Variants in GID4 observed in about 807,000 individuals in gnomAD.
GID4 encodes the protein GID complex subunit 4 homolog, also known as glucose-induced degradation protein 4 homolog.
A neutral mutation model predicts 32.4 loss-of-function variants in GID4; 7 were observed. The ratio of observed to expected loss-of-function variants is 0.22; its 90% CI spans 0.12 to 0.41. GID4 has a LOEUF of 0.41. GID4 is among the 10% of genes least tolerant of loss of function. The pLI is 1.00. For synonymous variants in GID4, 166 were observed against 170.0 expected, an observed-to-expected ratio of 0.98 and a Z score of 0.18; for missense variants, 309 against 400.0, an observed-to-expected ratio of 0.77 and a Z score of 1.94.
chr17:18,047,424 A>G (rs1365982435), intron 2 of GID4, among the ~76,000 whole-genome samples: 1 of 152,260 alleles, frequency 6.6e-6, no homozygotes. Flanking sequence ...GGTGATAACA[A>G]GCTGCACAGA....
chr17:18,062,511 G>T (rs2142154255), intron 5 of GID4, among the ~76,000 whole-genome samples: 1 of 152,284 alleles, frequency 6.6e-6, no homozygotes, highest in African/African-American at 2.4e-5. Flanking sequence ...CCTTTTGAGG[G>T]ATTCTCCTGC....
rs985169451 is a variant in GID4 at position 18,061,736 on chromosome 17, T to C, written c.709-109T>C. On this transcript the variant is annotated intron_variant, in intron 4 of 5. Coordinates refer to ENST00000268719, the MANE Select transcript of GID4 (RefSeq NM_024052.5). This position sits in a 1 kb window ranked among gnomAD's most constrained non-coding sequence, Gnocchi z 4.4. ...AGCAAGTCTAGGTTAGACTATGAGA[T>C]CCTATATTTTTCTCGAGTGGTCCTT... is the stretch of plus-strand genomic sequence containing the variant. 2 of 1,022,744 alleles carry C rather than the reference T, an allele frequency of 2.0e-6. No homozygotes were observed. Among genetic ancestry groups the C allele is most frequent in the Non-Finnish European group, 3.0e-6 (2 of 669,014 alleles). The allele number at this position is 1,022,744 out of a possible 1,614,324, so 63.4% of individuals were successfully genotyped here.
In GID4 at chr17:18,058,956, T is replaced by C; in HGVS notation, c.695T>C (p.Phe232Ser). The change falls in exon 4 of 6, where the codon TTC (phenylalanine) becomes TCC (serine). Residue 232 changes from phenylalanine to serine, a missense_variant. This residue lies in a region of GID4 where 116 missense variants were observed against 214.2 expected (regional missense o/e 0.54). Transcript: ENST00000268719. ...GAGCTGAAGAATGGAGACTACGTCTTCATGAGGTGGAAGGTAAGTTCCCAC... is the reference window on the plus strand; with the variant it reads ...GAGCTGAAGAATGGAGACTACGTCTCCATGAGGTGGAAGGTAAGTTCCCAC... Reference protein sequence around the residue: ...YEELKNGDYVFMRWKEQFLVP... With the variant: ...YEELKNGDYVSMRWKEQFLVP... 1 of 1,603,774 alleles carries C rather than the reference T, an allele frequency of 6.2e-7. No individual in the cohort carries two copies. Among genetic ancestry groups the C allele is most frequent in the Non-Finnish European group, 8.5e-7 (1 of 1,170,650 alleles).
chr17:18,054,828 G>A (rs1481889067), intron 3 of GID4, among the ~76,000 whole-genome samples: 1 of 152,094 alleles, frequency 6.6e-6, no homozygotes, highest in African/African-American at 2.4e-5. Flanking sequence ...AAGACAGTTA[G>A]TGTCCTGGGA....
intron 3 of GID4, among the ~76,000 whole-genome samples, chr17:18,054,730 T>C (rs903771068): frequency 2.6e-5 from 4 of 152,166 alleles, no homozygotes; most frequent in African/African-American, 9.7e-5. Flanking sequence ...AGTATAGTCT[T>C]GTCTTAAGTA....
chr17:18,045,911 GAAA>G (rs957080536), intron 2 of GID4, among the ~76,000 whole-genome samples: 19 of 149,524 alleles, frequency 1.3e-4, no homozygotes, highest in African/African-American at 4.7e-4. Flanking sequence ...AAAAAAGAAA[GAAA>G]AAAAAGGGGA....
chr17:18,047,250 G>GTT lies in GID4; in HGVS notation c.498+2046_498+2047dup, dbSNP rs1195293913. 5.3e-5 allele frequency among the ~76,000 whole-genome samples: 8 copies of GTT among 152,316 alleles called. No homozygotes were observed. In the East Asian group the frequency reaches 1.2e-3, roughly 22 times the overall value. On this transcript the variant is annotated intron_variant, in intron 2 of 5. Transcript: ENST00000268719. Reference sequence around the variant, plus strand: ...CAAAATACAGGATTCCAGCCTTTGGGTTTGTGGTAGGAGAAAAGATACTAA... The same window carrying GTT: ...CAAAATACAGGATTCCAGCCTTTGGGTTTTTGTGGTAGGAGAAAAGATACTAA...
chr17:18,061,204 A>C lies in GID4; in HGVS notation c.709-641A>C, dbSNP rs1049500155. Among the ~76,000 whole-genome samples the C allele has an allele frequency of 6.6e-6, 1 of 152,054 alleles. No individual in the cohort carries two copies. Among genetic ancestry groups the C allele is most frequent in the African/African-American group, 2.4e-5 (1 of 41,392 alleles). On this transcript the variant is annotated intron_variant, in intron 4 of 5. Transcript: ENST00000268719. This position sits in a 1 kb window ranked among gnomAD's most constrained non-coding sequence, Gnocchi z 4.4. ...ACCACCTGAGGCCCTGGAGCTTCTG[A>C]CCTCATCTCTCTGGGAAAGTAGGTG...
At chr17:18,054,044 A>T in intron 2 of GID4, 83 bp from the exon 3 acceptor site, 2 of 745,890 alleles carry the variant, frequency 2.7e-6, no homozygotes, top group Non-Finnish European at 4.5e-6. Flanking sequence ...GAAAGAAGTT[A>T]AAGCAAAGTT....
Position 18,061,611 on chromosome 17 carries a change from G to C in GID4, c.709-234G>C, listed in dbSNP as rs994454357. On this transcript the variant is annotated intron_variant, in intron 4 of 5. Transcript: ENST00000268719. The surrounding 1 kb of genome is among the most constrained non-coding windows in gnomAD (Gnocchi z 4.4). ...TTCTCTGAATTGCTGATCCTAGTGA[G>C]CTCAAGACACAGTTTGTCACTTTAG... 6.6e-6 allele frequency among the ~76,000 whole-genome samples: 1 copy of C among 152,170 alleles called. No individual in the cohort carries two copies. Among genetic ancestry groups the C allele is most frequent in the African/African-American group, 2.4e-5 (1 of 41,442 alleles).
intron 3 of GID4, among the ~76,000 whole-genome samples, chr17:18,057,658 T>C (rs545576889): frequency 6.6e-6 from 1 of 152,324 alleles, no homozygotes; most frequent in South Asian, 2.1e-4. Context: ...AGTGTATACT[T>C]GTTTTTTGTC....
chr17:18,047,574 G>C (rs756515726), intron 2 of GID4, among the ~76,000 whole-genome samples: 1 of 152,232 alleles, frequency 6.6e-6, no homozygotes, highest in Admixed American at 6.5e-5. Flanking sequence ...TGAGGAGGGG[G>C]CACTGACAAT....
At chr17:18,055,680 G>C (rs2044960392) in intron 3 of GID4, among the ~76,000 whole-genome samples, 1 of 152,056 alleles carries the variant, frequency 6.6e-6, no homozygotes, top group African/African-American at 2.4e-5. Flanking sequence ...TGTAGAGACA[G>C]AGTCTCCCTA....
chr17:18,045,988 AG>A (rs1461820734), intron 2 of GID4, among the ~76,000 whole-genome samples: 1 of 152,166 alleles, frequency 6.6e-6, no homozygotes, highest in Non-Finnish European at 1.5e-5. Flanking sequence ...CTTTGAACCA[AG>A]TTTTTAAACC....
chr17:18,058,980 AC>A lies in GID4; in HGVS notation c.708+13del. The A allele has an allele frequency of 6.5e-7, 1 of 1,539,450 alleles. No homozygotes were observed. The highest frequency in any genetic ancestry group is 1.1e-5 in the South Asian group (1 of 89,538). ...TTCATGAGGTGGAAGGTAAGTTCCC[AC>A]CAGGTGGCCCTCCAGACTCCCAGCA... On this transcript the variant is annotated intron_variant, in intron 4 of 5. Transcript: ENST00000268719.
At chr17:18,053,156 G>A (rs1166312893) in intron 2 of GID4, among the ~76,000 whole-genome samples, 1 of 149,306 alleles carries the variant, frequency 6.7e-6, no homozygotes, top group Non-Finnish European at 1.5e-5. Flanking sequence ...TGGGATTACA[G>A]GCATGCGCCA....
At chr17:18,062,201 A>C in intron 5 of GID4, 1 of 451,854 alleles carries the variant, frequency 2.2e-6, no homozygotes, top group East Asian at 3.4e-5. Flanking sequence ...AGGTGAAAGA[A>C]CTCATTTCTA....
intron 2 of GID4, among the ~76,000 whole-genome samples, chr17:18,050,563 GT>G (rs2044900286): frequency 6.6e-6 from 1 of 152,202 alleles, no homozygotes; most frequent in South Asian, 2.1e-4. Context: ...TGCTAGACTT[GT>G]GCTTAACTAG....
chr17:18,059,038 C>T, intron 4 of GID4, 69 bp downstream of exon 4: 2 of 864,212 alleles, frequency 2.3e-6, no homozygotes, highest in Admixed American at 3.8e-5. Context: ...TACATATTCA[C>T]TCTAACCAAG....
Sources: gnomAD v4.1 joint callset for allele counts (sites outside exome capture counted in the v4.1 genomes callset) on GRCh38, gnomAD v4.1.1 for gene constraint, gnomAD v4.1.1 regional missense constraint, Gnocchi (gnomAD v3.1) non-coding constraint, MANE v1.5 for transcripts, NCBI Gene and HGNC (gene_info 2026-07-23, HGNC 2026-07-21) for gene names.